RECQL: variants seen among roughly 807,000 people sequenced by gnomAD.
RECQL encodes the protein ATP-dependent DNA helicase Q1.
A neutral mutation model predicts 75.8 loss-of-function variants in RECQL; 73 were observed. The ratio of observed to expected loss-of-function variants is 0.96; its 90% CI spans 0.80 to 1.17. The LOEUF (loss-of-function observed/expected upper bound fraction) is 1.17. Ranked by LOEUF, RECQL falls within the 50% of genes most tolerant of loss-of-function variation. RECQL has a pLI of 0.00. For synonymous variants in RECQL, 248 were observed against 254.4 expected, an observed-to-expected ratio of 0.97 and a Z score of 0.24; for missense variants, 699 against 772.1, an observed-to-expected ratio of 0.91 and a Z score of 1.12.
intron 4 of RECQL, among the ~76,000 whole-genome samples, chr12:21,489,033 T>C (rs1303570413): frequency 6.6e-6 from 1 of 152,192 alleles, no homozygotes; most frequent in Non-Finnish European, 1.5e-5. Context: ...CTTTAAACTT[T>C]AGCTTAAATG....
chr12:21,476,510 T>A (rs779222030), intron 8 of RECQL, among the ~76,000 whole-genome samples: 8 of 152,136 alleles, frequency 5.3e-5, no homozygotes, highest in Non-Finnish European at 7.4e-5. Context: ...TATGTACTAC[T>A]GGATTTATTT....
At chr12:21,483,842 C>G (rs1943240312) in intron 5 of RECQL, among the ~76,000 whole-genome samples, 1 of 152,074 alleles carries the variant, frequency 6.6e-6, no homozygotes, top group Non-Finnish European at 1.5e-5. Context: ...CAAACAGATA[C>G]TCCAATGAAG....
At chr12:21,489,645 C>G (rs981863093) in intron 4 of RECQL, among the ~76,000 whole-genome samples, 1 of 152,226 alleles carries the variant, frequency 6.6e-6, no homozygotes, top group Non-Finnish European at 1.5e-5. Flanking sequence ...ACTGATTCTT[C>G]TTCCAGAGCT....
chr12:21,482,267 G>GA (rs11451473), intron 6 of RECQL, among the ~76,000 whole-genome samples: 88,065 of 146,444 alleles, frequency 0.6, 26,330 homozygotes, highest in East Asian at 0.69. Flanking sequence ...CTTAACAAAA[G>GA]AAAAAAAAAA....
chr12:21,469,286 C>T lies in RECQL; in HGVS notation c.*908G>A, dbSNP rs74067190. On this transcript the variant is annotated 3_prime_UTR_variant, in exon 15 of 15. Transcript: ENST00000444129. ...CATCTACAAGCTTGTCCAACTCTAG[C>T]CCACGGGTCTAATGCAGCCCAGAAC... is the stretch of plus-strand genomic sequence containing the variant. The T allele has an allele frequency of 0.019, 2,882 of 154,590 alleles. 83 individuals carry two copies. The highest frequency in any genetic ancestry group is 0.065 in the African/African-American group (2,678 of 41,490). 9.6% of individuals were successfully genotyped at this position (154,590 alleles called of 1,614,324 possible).
chr12:21,489,772 G>C (rs1943373172), intron 4 of RECQL, among the ~76,000 whole-genome samples: 1 of 152,166 alleles, frequency 6.6e-6, no homozygotes, highest in East Asian at 1.9e-4. Flanking sequence ...CGAAAAGCTA[G>C]AAGAGAGGAT....
chr12:21,472,560 T>C (rs945622838), intron 12 of RECQL, among the ~76,000 whole-genome samples: 1 of 151,860 alleles, frequency 6.6e-6, no homozygotes, highest in Admixed American at 6.6e-5. Flanking sequence ...CCTAGAACCA[T>C]GTAATTTTCG....
Position 21,471,415 on chromosome 12 carries a change from A to C in RECQL, c.1667+13T>G, listed in dbSNP as rs1364274205. Reference sequence around the variant, plus strand: ...AGACAACCTGAAAGAATAATGAATGAGTTTGTACATACTTAAGATACTGCT... The same window carrying C: ...AGACAACCTGAAAGAATAATGAATGCGTTTGTACATACTTAAGATACTGCT... On this transcript the variant is annotated intron_variant, in intron 13 of 14. Transcript: ENST00000444129. 1 of 1,596,464 alleles carries C rather than the reference A, an allele frequency of 6.3e-7. No individual in the cohort carries two copies.
At chr12:21,489,312 T>C (rs1943364713) in intron 4 of RECQL, among the ~76,000 whole-genome samples, 1 of 152,168 alleles carries the variant, frequency 6.6e-6, no homozygotes, top group Non-Finnish European at 1.5e-5. Flanking sequence ...AAGGAGACCA[T>C]ATGGACCACA....
chr12:21,478,067 T>C, intron 6 of RECQL, 98 bp from the exon 7 acceptor site: 1 of 1,263,960 alleles, frequency 7.9e-7, no homozygotes, highest in African/African-American at 1.5e-5. Flanking sequence ...CTACTATGAT[T>C]TTGTTTCCAC....
intron 8 of RECQL, 67 bp downstream of exon 8, chr12:21,476,844 C>T (rs2137345467): frequency 2.1e-6 from 2 of 971,088 alleles, no homozygotes; most frequent in African/African-American, 1.7e-5. Context: ...GTATAATTAT[C>T]AATATGATAT....
intron 2 of RECQL, 30 bp from the exon 3 acceptor site, chr12:21,491,746 A>G: frequency 6.4e-7 from 1 of 1,558,864 alleles, no homozygotes; most frequent in Non-Finnish European, 8.7e-7. Context: ...TACAATGATT[A>G]GACAGAGTAA....
intron 12 of RECQL, among the ~76,000 whole-genome samples, chr12:21,471,851 G>T (rs1442784227): frequency 6.6e-6 from 1 of 151,984 alleles, no homozygotes; most frequent in Non-Finnish European, 1.5e-5. Flanking sequence ...TGTAAGCATT[G>T]TGGGGTTTAC....
intron 6 of RECQL, among the ~76,000 whole-genome samples, chr12:21,478,294 T>A (rs893630834): frequency 2.0e-5 from 3 of 152,310 alleles, no homozygotes; most frequent in East Asian, 1.9e-4. Context: ...AAAATCTTGG[T>A]AAGGGCGGCA....
intron 5 of RECQL, among the ~76,000 whole-genome samples, chr12:21,484,633 T>G (rs1294530626): frequency 6.6e-6 from 1 of 152,102 alleles, no homozygotes; most frequent in Non-Finnish European, 1.5e-5. Flanking sequence ...TGGATTATCT[T>G]ACTGCAAAAG....
rs573094024 is a variant in RECQL at position 21,484,756 on chromosome 12, T to G, written c.502-1182A>C. Among the ~76,000 whole-genome samples the G allele has an allele frequency of 2.0e-5, 3 of 150,460 alleles. No homozygotes were observed. The South Asian group carries it at 6.3e-4, about 31-fold the overall frequency. On this transcript the variant is annotated intron_variant, in intron 5 of 14. Coordinates refer to ENST00000444129, the MANE Select transcript of RECQL (RefSeq NM_002907.4). Reference sequence around the variant, plus strand: ...TCAGCATTACATATATACATATTGATATATATATATATATGATTCCAAAGG... The same window carrying G: ...TCAGCATTACATATATACATATTGAGATATATATATATATGATTCCAAAGG...
At chr12:21,472,784 C>T (rs910982336) in intron 12 of RECQL, among the ~76,000 whole-genome samples, 2 of 151,998 alleles carry the variant, frequency 1.3e-5, no homozygotes, top group African/African-American at 4.8e-5. Flanking sequence ...AGTAAATCTC[C>T]GATGACTAGC....
chr12:21,472,060 G>C (rs1942981151), intron 12 of RECQL, among the ~76,000 whole-genome samples: 1 of 151,882 alleles, frequency 6.6e-6, no homozygotes, highest in African/African-American at 2.4e-5. Flanking sequence ...ATTATTAAGA[G>C]ACCAGTACTC....
intron 3 of RECQL, 59 bp from the exon 4 acceptor site, chr12:21,490,437 A>G: frequency 8.9e-7 from 1 of 1,121,884 alleles, no homozygotes; most frequent in Non-Finnish European, 1.3e-6. Flanking sequence ...AAGTTTGATA[A>G]GAATGAGACA....
Sources: allele counts gnomAD v4.1 joint callset (sites outside exome capture counted in the v4.1 genomes callset), GRCh38; gene constraint gnomAD v4.1.1; transcripts MANE v1.5; gene names NCBI Gene and HGNC (gene_info 2026-07-23, HGNC 2026-07-21).